Variants in SLC17A5 observed in about 807,000 individuals in gnomAD.
The protein encoded by SLC17A5 is sialin.
In SLC17A5, 47 loss-of-function variants were observed where a neutral mutation model predicts 59.4. That is an observed-to-expected ratio of 0.79 (90% confidence interval 0.63 to 1.01). SLC17A5 has a LOEUF of 1.01. Ranked by LOEUF, SLC17A5 falls within the 50% of genes least tolerant of loss-of-function variation. The pLI is 0.00. For synonymous variants in SLC17A5, 202 were observed against 210.7 expected, an observed-to-expected ratio of 0.96 and a Z score of 0.36; for missense variants, 522 against 595.5, an observed-to-expected ratio of 0.88 and a Z score of 1.28.
Position 73,621,884 on chromosome 6 carries a change from A to G in SLC17A5, c.898T>C (p.Ser300Pro). The G allele has an allele frequency of 1.9e-6, 3 of 1,613,654 alleles. No individual in the cohort carries two copies. The highest frequency in any genetic ancestry group is 2.5e-6 in the Non-Finnish European group (3 of 1,179,574). Reference protein sequence around the residue: ...PLWAIVVAHFSYNWTFYTLLT... With the variant: ...PLWAIVVAHFPYNWTFYTLLT... ...AAAGTATAAAAAGTCCAGTTGTAAG[A>G]AAAGTGTGCAACTACGATAGCCCAA... is the stretch of plus-strand genomic sequence containing the variant. Residue 300 changes from serine (S) to proline (P), a missense_variant, in exon 7 of 11, where the codon TCT becomes CCT. Around this residue, in one of 3 missense-constraint regions of SLC17A5, gnomAD observed 338 missense variants for 363.8 expected, o/e 0.93. Coordinates refer to ENST00000355773, the MANE Select transcript of SLC17A5 (RefSeq NM_012434.5).
chr6:73,594,909 A>G lies in SLC17A5; in HGVS notation c.*168T>C, dbSNP rs1462658508. The G allele has an allele frequency of 1.5e-5, 11 of 725,116 alleles. No individual in the cohort carries two copies. Among genetic ancestry groups the G allele is most frequent in the African/African-American group, 1.2e-4 (7 of 56,012 alleles). The allele number at this position is 725,116 out of a possible 1,614,324, so 44.9% of individuals were successfully genotyped here. On this transcript the variant is annotated 3_prime_UTR_variant, in exon 11 of 11. Coordinates refer to ENST00000355773, the MANE Select transcript of SLC17A5 (RefSeq NM_012434.5). ...TATTATTCATAATTAAACACAGTTC[A>G]TTTTATTATTCTGGCAACTAGTGAT...
At chr6:73,617,030 C>A (rs1045364419) in intron 7 of SLC17A5, among the ~76,000 whole-genome samples, 3 of 151,988 alleles carry the variant, frequency 2.0e-5, no homozygotes, top group Non-Finnish European at 4.4e-5. Context: ...GTGGCTCATG[C>A]CTGTAATCCC....
intron 4 of SLC17A5, among the ~76,000 whole-genome samples, chr6:73,638,032 C>A (rs1213580909): frequency 6.6e-6 from 1 of 151,364 alleles, no homozygotes; most frequent in African/African-American, 2.4e-5. Context: ...CAAAAACACT[C>A]AATTTTCTAG....
intron 6 of SLC17A5, among the ~76,000 whole-genome samples, chr6:73,629,801 G>A (rs1768610362): frequency 6.6e-6 from 1 of 151,894 alleles, no homozygotes; most frequent in Non-Finnish European, 1.5e-5. Context: ...CAAGAAGAAA[G>A]AAAAGAAGAA....
At chr6:73,612,136 C>G (rs1280693636) in intron 8 of SLC17A5, among the ~76,000 whole-genome samples, 1 of 152,024 alleles carries the variant, frequency 6.6e-6, no homozygotes, top group Non-Finnish European at 1.5e-5. Flanking sequence ...CCTCAGCCTC[C>G]TGAGTAGCTG....
intron 2 of SLC17A5, among the ~76,000 whole-genome samples, chr6:73,642,874 GT>G (rs1422682622): frequency 6.6e-6 from 1 of 152,180 alleles, no homozygotes; most frequent in African/African-American, 2.4e-5. Context: ...CCAATTTGCA[GT>G]TTATCTGTGG....
intron 7 of SLC17A5, among the ~76,000 whole-genome samples, chr6:73,621,078 T>C (rs1581970709): frequency 1.3e-5 from 2 of 151,940 alleles, no homozygotes; most frequent in South Asian, 4.1e-4. Flanking sequence ...TGATCCTGGG[T>C]CACCACAATT....
At chr6:73,615,078 C>A (rs1184675409) in intron 8 of SLC17A5, among the ~76,000 whole-genome samples, 1 of 152,134 alleles carries the variant, frequency 6.6e-6, no homozygotes, top group African/African-American at 2.4e-5. Context: ...ATGCTACCGC[C>A]AGCTGGACAG....
chr6:73,608,520 A>T (rs1767498559), intron 9 of SLC17A5, among the ~76,000 whole-genome samples: 1 of 152,192 alleles, frequency 6.6e-6, no homozygotes, highest in African/African-American at 2.4e-5. Context: ...AGGCAGCTGG[A>T]TATCAACTCT....
At chr6:73,642,032 T>C (rs1175747156) in intron 2 of SLC17A5, 108 bp from the exon 3 acceptor site, 1 of 992,684 alleles carries the variant, frequency 1.0e-6, no homozygotes, top group South Asian at 1.3e-5. Flanking sequence ...AACCACTATT[T>C]TGGACTGAAG....
chr6:73,624,061 A>G (rs1768285784), intron 6 of SLC17A5, among the ~76,000 whole-genome samples: 1 of 152,206 alleles, frequency 6.6e-6, no homozygotes, highest in South Asian at 2.1e-4. Context: ...ATGGCAGATC[A>G]TTAACTATAA....
At chr6:73,619,081 T>C (rs1035119529) in intron 7 of SLC17A5, among the ~76,000 whole-genome samples, 1 of 151,908 alleles carries the variant, frequency 6.6e-6, no homozygotes, top group African/African-American at 2.4e-5. Context: ...ATAGGGAAGC[T>C]CAAGGAGAAG....
At chr6:73,603,929 CAAA>C (rs71542210) in intron 9 of SLC17A5, among the ~76,000 whole-genome samples, 2 of 145,854 alleles carry the variant, frequency 1.4e-5, no homozygotes, top group African/African-American at 5.0e-5. Flanking sequence ...AAACAAAAAA[CAAA>C]AAAAAAACAC....
At chr6:73,624,249 C>G (rs1275199827) in intron 6 of SLC17A5, among the ~76,000 whole-genome samples, 1 of 151,612 alleles carries the variant, frequency 6.6e-6, no homozygotes, top group Non-Finnish European at 1.5e-5. Context: ...ACTAAAAATA[C>G]AAAAATTAGC....
Position 73,594,564 on chromosome 6 carries a change from C to A in SLC17A5, c.*513G>T. 5.8e-6 allele frequency: 1 copy of A among 171,138 alleles called. No individual in the cohort carries two copies. The highest frequency in any genetic ancestry group is 1.3e-5 in the Non-Finnish European group (1 of 79,410). The allele number at this position is 171,138 out of a possible 1,614,324, so 10.6% of individuals were successfully genotyped here. A position where few individuals can be genotyped will look rare whatever the true frequency, so the allele number is the denominator to read the frequency against. ...TGACCCTGAAGCCAGGGAGGGAGTG[C>A]TTGGCAGCTGCCTGGGCACACTCCC... On this transcript the variant is annotated 3_prime_UTR_variant, in exon 11 of 11. Coordinates refer to ENST00000355773, the MANE Select transcript of SLC17A5 (RefSeq NM_012434.5).
chr6:73,604,231 C>T (rs551989584), intron 9 of SLC17A5, among the ~76,000 whole-genome samples: 2 of 151,898 alleles, frequency 1.3e-5, no homozygotes, highest in African/African-American at 4.8e-5. Context: ...TAAGTGCAGA[C>T]GAATGCCATG....
intron 4 of SLC17A5, among the ~76,000 whole-genome samples, chr6:73,637,780 C>G (rs985473353): frequency 1.3e-5 from 2 of 152,042 alleles, no homozygotes; most frequent in Non-Finnish European, 2.9e-5. Flanking sequence ...GGCCTTTTCT[C>G]AACTACTGTA....
At chr6:73,635,092 A>T (rs1462589664) in intron 6 of SLC17A5, 7 of 169,326 alleles carry the variant, frequency 4.1e-5, no homozygotes, top group South Asian at 1.9e-4. Flanking sequence ...TGTATTTAAA[A>T]TTTTTTTTTA....
intron 8 of SLC17A5, among the ~76,000 whole-genome samples, 183 bp from the exon 9 acceptor site, chr6:73,610,730 A>AAT (rs1767607683): frequency 1.3e-5 from 2 of 152,216 alleles, no homozygotes; most frequent in African/African-American, 2.4e-5. Context: ...TAATACAACT[A>AAT]ATATACTATA....
Sources: gnomAD v4.1 joint callset for allele counts (sites outside exome capture counted in the v4.1 genomes callset) on GRCh38, gnomAD v4.1.1 for gene constraint, gnomAD v4.1.1 regional missense constraint, MANE v1.5 for transcripts, NCBI Gene and HGNC (gene_info 2026-07-23, HGNC 2026-07-21) for gene names.